The following ST3GAL3 variants were observed in gnomAD, a reference collection of about 807,000 sequenced individuals.
ST3GAL3 encodes the protein CMP-N-acetylneuraminate-beta-1,4-galactoside alpha-2,3-sialyltransferase.
ST3GAL3 carries 21 observed loss-of-function variants against 50.1 expected under a neutral mutation model. The observed-to-expected ratio is 0.42, with a 90% confidence interval of 0.30 to 0.60. The LOEUF is 0.60. Ranked by LOEUF, ST3GAL3 falls within the 20% of genes least tolerant of loss-of-function variation. ST3GAL3 has a pLI of 0.19. For synonymous variants in ST3GAL3, 183 were observed against 190.0 expected, an observed-to-expected ratio of 0.96 and a Z score of 0.30; for missense variants, 353 against 489.4, an observed-to-expected ratio of 0.72 and a Z score of 2.63.
chr1:43,808,165 A>G (rs2060120592), intron 3 of ST3GAL3, among the ~76,000 whole-genome samples: 1 of 152,014 alleles, frequency 6.6e-6, no homozygotes, highest in East Asian at 1.9e-4. Context: ...TTAGCCAGGC[A>G]TAGTGGCGGG....
chr1:43,743,975 A>T (rs1229914460), intron 2 of ST3GAL3, among the ~76,000 whole-genome samples: 2 of 152,040 alleles, frequency 1.3e-5, no homozygotes, highest in Admixed American at 1.3e-4. Context: ...ATGGGGAAAG[A>T]TACTGGTTCT....
intron 3 of ST3GAL3, chr1:43,801,417 C>T (rs1437998324): frequency 2.2e-6 from 1 of 455,624 alleles, no homozygotes; most frequent in Non-Finnish European, 4.4e-6. Context: ...CATTCTGGGG[C>T]TCAGTAGCCT....
chr1:43,788,116 T>C (rs1572874978), intron 2 of ST3GAL3, among the ~76,000 whole-genome samples: 1 of 152,230 alleles, frequency 6.6e-6, no homozygotes, highest in Non-Finnish European at 1.5e-5. Flanking sequence ...CTGTACAAAT[T>C]TTACAAAAAT....
At chr1:43,825,987 C>T (rs977743299) in intron 4 of ST3GAL3, among the ~76,000 whole-genome samples, 9 of 151,748 alleles carry the variant, frequency 5.9e-5, no homozygotes, top group African/African-American at 1.7e-4. Context: ...AATAATGGGC[C>T]GGGTGAGGTA....
chr1:43,819,617 A>G (rs2061832681), intron 4 of ST3GAL3, among the ~76,000 whole-genome samples: 1 of 151,114 alleles, frequency 6.6e-6, no homozygotes, highest in African/African-American at 2.4e-5. Context: ...TTGGAACCCT[A>G]TTGCATAGAA....
intron 3 of ST3GAL3, among the ~76,000 whole-genome samples, chr1:43,801,928 A>G (rs2059364952): frequency 6.6e-6 from 1 of 152,192 alleles, no homozygotes; most frequent in South Asian, 2.1e-4. Flanking sequence ...TGAGCCCAGG[A>G]GGTCAAGAGT....
At position 43,927,746 on chromosome 1, in the gene ST3GAL3, G is replaced by A. The variant is rs193125344; in HGVS notation, c.1039-2386G>A. 1.2e-4 allele frequency among the ~76,000 whole-genome samples: 19 copies of A among 152,272 alleles called. No individual in the cohort carries two copies. In the East Asian group the frequency reaches 1.4e-3, roughly 11 times the overall value. ...AGTCTTCAAAGAATGGGGATGAGTC[G>A]CCCAGGGATCTGCAATGAGGAGGGG... On this transcript the variant is annotated intron_variant, in intron 11 of 11. Coordinates refer to ENST00000347631, the MANE Select transcript of ST3GAL3 (RefSeq NM_006279.5).
At chr1:43,910,595 C>A (rs150157083) in intron 9 of ST3GAL3, among the ~76,000 whole-genome samples, 2 of 152,282 alleles carry the variant, frequency 1.3e-5, no homozygotes, top group Non-Finnish European at 2.9e-5. Flanking sequence ...AAACCCAGAC[C>A]ACAGGATAAG....
chr1:43,792,034 A>G (rs912040070), intron 2 of ST3GAL3, 68 bp from the exon 3 acceptor site: 32 of 1,590,982 alleles, frequency 2.0e-5, no homozygotes, highest in Non-Finnish European at 2.6e-5. Flanking sequence ...GTTTGGGCAG[A>G]GCCAGTGGGA....
At chr1:43,837,011 T>C (rs1360993013) in intron 4 of ST3GAL3, among the ~76,000 whole-genome samples, 12 of 152,160 alleles carry the variant, frequency 7.9e-5, no homozygotes, top group Admixed American at 7.9e-4. Context: ...ACTGTCAGGG[T>C]CATTTTGTTC....
At chr1:43,871,595 T>G (rs1397117188) in intron 5 of ST3GAL3, among the ~76,000 whole-genome samples, 5 of 53,638 alleles carry the variant, frequency 9.3e-5, no homozygotes, top group African/African-American at 1.5e-4. Flanking sequence ...AGGGAGAGGA[T>G]GGGGTGTGAG....
intron 5 of ST3GAL3, among the ~76,000 whole-genome samples, chr1:43,870,821 G>A (rs562229560): frequency 2.6e-5 from 4 of 152,282 alleles, no homozygotes; most frequent in South Asian, 4.1e-4. Context: ...GTTTGCAAGG[G>A]CCACTGTGGA....
At chr1:43,722,721 G>C (rs542948829) in intron 1 of ST3GAL3, among the ~76,000 whole-genome samples, 1 of 152,256 alleles carries the variant, frequency 6.6e-6, no homozygotes, top group South Asian at 2.1e-4. Flanking sequence ...CTAGTGTCAA[G>C]GCTAATTTCC....
chr1:43,909,048 C>T (rs1017278216), intron 9 of ST3GAL3, among the ~76,000 whole-genome samples: 4 of 152,190 alleles, frequency 2.6e-5, no homozygotes, highest in African/African-American at 2.4e-5. Flanking sequence ...ATGAGATGCT[C>T]CTCTTCTTAT....
At chr1:43,743,191 A>G (rs1681809482) in intron 2 of ST3GAL3, among the ~76,000 whole-genome samples, 2 of 143,324 alleles carry the variant, frequency 1.4e-5, no homozygotes, top group South Asian at 2.2e-4. Flanking sequence ...AAAATAAATA[A>G]TGGCTGAAAA....
chr1:43,882,533 C>G (rs995633728), intron 5 of ST3GAL3, among the ~76,000 whole-genome samples: 2 of 152,168 alleles, frequency 1.3e-5, no homozygotes, highest in African/African-American at 4.8e-5. Context: ...TCTTTAGGCC[C>G]ACCTGAATCT....
intron 5 of ST3GAL3, among the ~76,000 whole-genome samples, chr1:43,848,008 A>G (rs1031410565): frequency 6.6e-6 from 1 of 152,158 alleles, no homozygotes; most frequent in Non-Finnish European, 1.5e-5. Context: ...GATTGTCTGA[A>G]CAAGTCTTTA....
In ST3GAL3 at chr1:43,930,554, A is replaced by C; in HGVS notation, c.*333A>C. Reference sequence around the variant, plus strand: ...TGTTTGGTGTATTATCATTTTGTGAATTTGGGTAGGGGGGAGGGTAGGGAT... The same window carrying C: ...TGTTTGGTGTATTATCATTTTGTGACTTTGGGTAGGGGGGAGGGTAGGGAT... On this transcript the variant is annotated 3_prime_UTR_variant, in exon 12 of 12. Transcript: ENST00000347631. The C allele has an allele frequency of 2.3e-6, 1 of 428,736 alleles. No homozygotes were observed. The allele number at this position is 428,736 out of a possible 1,614,324, so 26.6% of individuals were successfully genotyped here.
intron 4 of ST3GAL3, among the ~76,000 whole-genome samples, chr1:43,817,570 T>TCTTCTCCTTTTTC (rs2061459908): frequency 1.3e-5 from 1 of 76,372 alleles, no homozygotes; most frequent in African/African-American, 4.8e-5. Context: ...TCTTCCTTCT[T>TCTTCTCCTTTTTC]CTTCTCCTTC....
Sources: gnomAD v4.1 joint callset for allele counts (sites outside exome capture counted in the v4.1 genomes callset) on GRCh38, gnomAD v4.1.1 for gene constraint, MANE v1.5 for transcripts, NCBI Gene and HGNC (gene_info 2026-07-23, HGNC 2026-07-21) for gene names.